Variants in VWA8 observed in about 807,000 individuals in gnomAD.
VWA8 encodes the protein von Willebrand factor A domain containing 8.
A neutral mutation model predicts 241.5 loss-of-function variants in VWA8; 221 were observed. The ratio of observed to expected loss-of-function variants is 0.91; its 90% CI spans 0.82 to 1.02. VWA8 has a LOEUF of 1.02. Ranked by LOEUF, VWA8 falls within the 50% of genes least tolerant of loss-of-function variation. The probability of loss-of-function intolerance (pLI) is 0.00; values close to 1 mark genes in which losing one functional copy is unlikely to be tolerated. For synonymous variants in VWA8, 852 were observed against 827.1 expected (o/e 1.03, Z -0.52); for missense variants, 2,322 against 2,328.7 (o/e 1.00, Z 0.06).
chr13:41,677,966 C>T (rs2045071886), intron 35 of VWA8, among the ~76,000 whole-genome samples: 2 of 152,128 alleles, frequency 1.3e-5, no homozygotes, highest in South Asian at 2.1e-4. Flanking sequence ...CTGAAAAACT[C>T]GACATATCTC....
chr13:41,723,608 G>T (rs1403632352), intron 24 of VWA8, among the ~76,000 whole-genome samples: 2 of 152,052 alleles, frequency 1.3e-5, no homozygotes, highest in Admixed American at 6.6e-5. Context: ...TATTTCGAGG[G>T]TATAGCCAAT....
chr13:41,709,096 A>AG (rs1284561273), intron 26 of VWA8, among the ~76,000 whole-genome samples: 1 of 152,242 alleles, frequency 6.6e-6, no homozygotes, highest in African/African-American at 2.4e-5. Flanking sequence ...ACTTTCCCAG[A>AG]GAAAAATTTC....
intron 12 of VWA8, among the ~76,000 whole-genome samples, chr13:41,855,539 T>C (rs1313677201): frequency 6.6e-6 from 1 of 151,582 alleles, no homozygotes; most frequent in Non-Finnish European, 1.5e-5. Flanking sequence ...CATAGATGAC[T>C]CTCAAATGTA....
intron 2 of VWA8, among the ~76,000 whole-genome samples, chr13:41,949,050 AAAAAAAG>A (rs1877997790): frequency 2.0e-5 from 3 of 151,234 alleles, no homozygotes; most frequent in Admixed American, 2.0e-4. Flanking sequence ...AAAAAAAAAA[AAAAAAAG>A]AACAGTGATT....
chr13:41,684,533 T>G (rs1177427145), intron 35 of VWA8, among the ~76,000 whole-genome samples: 1 of 152,158 alleles, frequency 6.6e-6, no homozygotes, highest in Non-Finnish European at 1.5e-5. Flanking sequence ...TCAGAATATC[T>G]TCATGTATAA....
At chr13:41,706,759 C>T (rs1334309445) in intron 26 of VWA8, among the ~76,000 whole-genome samples, 2 of 152,188 alleles carry the variant, frequency 1.3e-5, no homozygotes, top group African/African-American at 4.8e-5. Context: ...TCATCCAACT[C>T]TGACCAGACT....
chr13:41,621,977 T>A (rs1009720977), intron 37 of VWA8, among the ~76,000 whole-genome samples: 3 of 152,142 alleles, frequency 2.0e-5, no homozygotes, highest in African/African-American at 7.2e-5. Flanking sequence ...TGTTTCAAAA[T>A]CGACAAATTC....
At chr13:41,711,528 A>G (rs934319211) in intron 26 of VWA8, among the ~76,000 whole-genome samples, 1 of 152,204 alleles carries the variant, frequency 6.6e-6, no homozygotes, top group Admixed American at 6.5e-5. Context: ...TAAAGTGATT[A>G]TATTAATGAT....
At chr13:41,691,277 GA>G in intron 32 of VWA8, 42 bp downstream of exon 32, 2 of 1,580,780 alleles carry the variant, frequency 1.3e-6, no homozygotes. Context: ...AAATAAGATT[GA>G]GCTACAACAT....
Position 41,691,413 on chromosome 13 carries a change from C to T in VWA8, c.3773G>A (p.Gly1258Glu), listed in dbSNP as rs751013648. The T allele has an allele frequency of 8.7e-6, 14 of 1,612,436 alleles. No individual in the cohort carries two copies. The highest frequency in any genetic ancestry group is 1.2e-5 in the Non-Finnish European group (14 of 1,179,030). ...GGGAAGTGAGATGGTGTGAGTTCGC[C>T]CTTCTAGAACATCCAGCACAGTCAG... ...NSLTVLDVLE[G>E]RTHTISLPIN... Residue 1258 changes from glycine (G) to glutamate (E), a missense_variant, in exon 32 of 45, where the codon GGG becomes GAG. Gly to Glu is a moderately conservative substitution (Grantham distance 98). Coordinates refer to ENST00000379310, the MANE Select transcript of VWA8 (RefSeq NM_015058.2).
In VWA8 at chr13:41,739,859, T is replaced by G. The variant is rs1418940766; in HGVS notation, c.2427-7704A>C. Among the ~76,000 whole-genome samples the G allele has an allele frequency of 4.4e-4, 32 of 72,796 alleles. 1 individual carries two copies. The East Asian group carries it at 0.013, about 29-fold the overall frequency. The allele number at this position is 72,796 out of a possible 152,430, so 47.8% of individuals were successfully genotyped here. A position where few individuals can be genotyped will look rare whatever the true frequency, so the allele number is the denominator to read the frequency against. On this transcript the variant is annotated intron_variant, in intron 21 of 44. Transcript: ENST00000379310. ...TTTTTGTTTTTTTTGTTTTTTTTGT[T>G]TTTTTTTTTTTTTGAGACAGAGTCT...
intron 3 of VWA8, among the ~76,000 whole-genome samples, chr13:41,910,548 C>A (rs2138112010): frequency 6.6e-6 from 1 of 150,996 alleles, no homozygotes; most frequent in South Asian, 2.1e-4. Context: ...CAAGCCACTG[C>A]ACTCCAGCCT....
intron 37 of VWA8, among the ~76,000 whole-genome samples, chr13:41,646,418 C>G (rs952527938): frequency 3.3e-5 from 5 of 152,206 alleles, no homozygotes; most frequent in African/African-American, 4.8e-5. Flanking sequence ...AAATATACTA[C>G]TTCTGATATT....
chr13:41,597,516 C>T (rs1040670129), intron 40 of VWA8, among the ~76,000 whole-genome samples: 4 of 151,990 alleles, frequency 2.6e-5, no homozygotes, highest in African/African-American at 7.2e-5. Context: ...CAAAGGAAAA[C>T]GGTGAATCAT....
At chr13:41,689,037 A>C (rs1003938901) in intron 34 of VWA8, among the ~76,000 whole-genome samples, 4 of 152,086 alleles carry the variant, frequency 2.6e-5, no homozygotes, top group African/African-American at 9.6e-5. Flanking sequence ...TTAAAAAATT[A>C]TAGAAGACAT....
chr13:41,654,155 C>A (rs927538183), intron 37 of VWA8, among the ~76,000 whole-genome samples: 1 of 152,158 alleles, frequency 6.6e-6, no homozygotes, highest in Admixed American at 6.5e-5. Context: ...AGAAAAATCA[C>A]CACTTTGCAA....
At chr13:41,741,554 C>T (rs1488956694) in intron 21 of VWA8, among the ~76,000 whole-genome samples, 1 of 152,150 alleles carries the variant, frequency 6.6e-6, no homozygotes, top group Non-Finnish European at 1.5e-5. Context: ...ACATGAGTAT[C>T]TCCTTGACAA....
At chr13:41,639,745 G>A (rs1176085093) in intron 37 of VWA8, among the ~76,000 whole-genome samples, 4 of 152,136 alleles carry the variant, frequency 2.6e-5, no homozygotes, top group East Asian at 1.9e-4. Flanking sequence ...AGAAGGGAAC[G>A]ATAGACGATG....
chr13:41,765,313 A>G (rs1566447772), intron 20 of VWA8, among the ~76,000 whole-genome samples: 2 of 152,182 alleles, frequency 1.3e-5, no homozygotes, highest in Non-Finnish European at 2.9e-5. Context: ...TCCCCAGACT[A>G]CTGGAAAGGG....
Sources: gnomAD v4.1 joint callset for allele counts (sites outside exome capture counted in the v4.1 genomes callset) on GRCh38, gnomAD v4.1.1 for gene constraint, MANE v1.5 for transcripts, NCBI Gene and HGNC (gene_info 2026-07-23, HGNC 2026-07-21) for gene names.